SUMO3: variants seen among roughly 807,000 people sequenced by gnomAD.
SUMO3 encodes the protein small ubiquitin like modifier 3.
In SUMO3, 2 loss-of-function variants were observed where a neutral mutation model predicts 11.1. The ratio of observed to expected loss-of-function variants is 0.18; its 90% CI spans 0.07 to 0.57. The LOEUF (loss-of-function observed/expected upper bound fraction) is 0.57. Ranked by LOEUF, SUMO3 falls within the 20% of genes least tolerant of loss-of-function variation. The pLI is 0.92. For synonymous variants in SUMO3, 56 were observed against 53.5 expected, an observed-to-expected ratio of 1.05 and a Z score of -0.20; for missense variants, 70 against 132.8, an observed-to-expected ratio of 0.53 and a Z score of 2.32.
intron 1 of SUMO3, among the ~76,000 whole-genome samples, chr21:44,815,926 G>A (rs1347748888): frequency 6.6e-6 from 1 of 152,176 alleles, no homozygotes; most frequent in Non-Finnish European, 1.5e-5. Context: ...CAGCTATCCA[G>A]GGAAGTCAGA....
chr21:44,813,834 C>G, intron 2 of SUMO3, 142 bp downstream of exon 2: 1 of 1,544,412 alleles, frequency 6.5e-7, no homozygotes. Context: ...AGCACAAGCC[C>G]CCGCCTGCCC....
At chr21:44,809,220 T>C in intron 2 of SUMO3, 102 bp from the exon 3 acceptor site, 1 of 1,165,290 alleles carries the variant, frequency 8.6e-7, no homozygotes, top group Non-Finnish European at 1.3e-6. Flanking sequence ...GGAAAAGCAG[T>C]GGCCATTAAA....
chr21:44,814,139 T>G, intron 1 of SUMO3, 35 bp from the exon 2 acceptor site: 1 of 1,595,160 alleles, frequency 6.3e-7, no homozygotes, highest in Non-Finnish European at 8.6e-7. Context: ...CTCAAAACTG[T>G]GTCTCAAAAT....
At chr21:44,813,934 T>G (rs773132003) in intron 2 of SUMO3, 42 bp downstream of exon 2, 1 of 1,603,848 alleles carries the variant, frequency 6.2e-7, no homozygotes, top group Non-Finnish European at 8.5e-7. Flanking sequence ...ACAGGACCAG[T>G]GCGCACACGG....
At chr21:44,817,078 G>A (rs1182466125) in intron 1 of SUMO3, among the ~76,000 whole-genome samples, 5 of 145,368 alleles carry the variant, frequency 3.4e-5, no homozygotes, top group African/African-American at 1.3e-4. Context: ...ATAGGGAGGG[G>A]TGGGCGCACA....
Position 44,806,836 on chromosome 21 carries a change from A to G in SUMO3, c.*115T>C. 1 of 1,498,350 alleles carries G rather than the reference A, an allele frequency of 6.7e-7. No homozygotes were observed. Among genetic ancestry groups the G allele is most frequent in the Non-Finnish European group, 9.0e-7 (1 of 1,117,012 alleles). The allele number at this position is 1,498,350 out of a possible 1,614,324, so 92.8% of individuals were successfully genotyped here. The stretch of plus-strand genomic sequence containing the variant: ...CTTGAAGTACATCAAAGAGAGGAAA[A>G]TCATCGTGGTGAATGTCCTCGAGTT... On this transcript the variant is annotated 3_prime_UTR_variant, in exon 4 of 4. Transcript: ENST00000332859.
At position 44,807,933 on chromosome 21, in the gene SUMO3, T is replaced by C. The variant is rs1443263528; in HGVS notation, c.223-893A>G. On this transcript the variant is annotated intron_variant, in intron 3 of 3. Transcript: ENST00000332859. The surrounding 1 kb of genome is among the most constrained non-coding windows in gnomAD (Gnocchi z 4.3). ...CCCAGAGCTGCCACTGCCTCAGCGGTGTGTAGGTTTCCTCAAGTAGGTACA... is the reference window on the plus strand; with the variant it reads ...CCCAGAGCTGCCACTGCCTCAGCGGCGTGTAGGTTTCCTCAAGTAGGTACA... Among the ~76,000 whole-genome samples the C allele has an allele frequency of 2.0e-5, 3 of 152,222 alleles. No homozygotes were observed. Among genetic ancestry groups the C allele is most frequent in the African/African-American group, 7.2e-5 (3 of 41,462 alleles).
intron 2 of SUMO3, among the ~76,000 whole-genome samples, chr21:44,812,646 T>C (rs2083218998): frequency 1.3e-5 from 2 of 152,060 alleles, no homozygotes; most frequent in South Asian, 4.1e-4. Flanking sequence ...GAACCCAAGT[T>C]TCTAGAAGGA....
Position 44,815,928 on chromosome 21 carries a change from G to A in SUMO3, c.22-1824C>T, listed in dbSNP as rs114879969. ...CAATCCTCCACCTCAGCTATCCAGG[G>A]AAGTCAGAACCATTCTCCTGCCTGA... is the stretch of plus-strand genomic sequence containing the variant. On this transcript the variant is annotated intron_variant, in intron 1 of 3. Coordinates refer to ENST00000332859, the MANE Select transcript of SUMO3 (RefSeq NM_006936.3). Among the ~76,000 whole-genome samples the A allele has an allele frequency of 2.7e-3, 406 of 152,332 alleles. 6 individuals carry two copies. Among genetic ancestry groups the A allele is most frequent in the African/African-American group, 8.6e-3 (359 of 41,578 alleles).
intron 1 of SUMO3, among the ~76,000 whole-genome samples, chr21:44,817,552 A>G (rs1251455707): frequency 6.6e-6 from 1 of 151,880 alleles, no homozygotes; most frequent in Non-Finnish European, 1.5e-5. Context: ...GACCCCAACC[A>G]GCAATGACTC....
rs2083183764 is a variant in SUMO3, at chr21:44,807,417, C to CCA, written c.223-379_223-378dup. ...GATTAGCAGCACTGAGTCCTAGGACCCACAGGAGCCTTGCGCTTTATACCA... is the reference window on the plus strand; with the variant it reads ...GATTAGCAGCACTGAGTCCTAGGACCCACACAGGAGCCTTGCGCTTTATACCA... On this transcript the variant is annotated intron_variant, in intron 3 of 3. Coordinates refer to ENST00000332859, the MANE Select transcript of SUMO3 (RefSeq NM_006936.3). The surrounding 1 kb of genome is among the most constrained non-coding windows in gnomAD (Gnocchi z 4.3). 6.6e-6 allele frequency among the ~76,000 whole-genome samples: 1 copy of CCA among 152,096 alleles called. No homozygotes were observed. Among genetic ancestry groups the CCA allele is most frequent in the South Asian group, 2.1e-4 (1 of 4,830 alleles).
chr21:44,813,900 G>A (rs1244860627), intron 2 of SUMO3, 76 bp downstream of exon 2: 14 of 1,598,866 alleles, frequency 8.8e-6, no homozygotes, highest in African/African-American at 2.7e-5. Context: ...CGAGACGCTC[G>A]TGCTCTGGGG....
intron 2 of SUMO3, 33 bp downstream of exon 2, chr21:44,813,942 CG>C: frequency 6.2e-7 from 1 of 1,605,234 alleles, no homozygotes. Flanking sequence ...AGTGCGCACA[CG>C]GGGAGGCTCT....
intron 3 of SUMO3, 51 bp downstream of exon 3, chr21:44,808,996 C>T: frequency 6.7e-7 from 1 of 1,502,762 alleles, no homozygotes; most frequent in Non-Finnish European, 9.3e-7. Flanking sequence ...ATGGCAGTTA[C>T]CCCGCACAAA....
At chr21:44,808,420 G>C (rs770424325) in intron 3 of SUMO3, 4 of 1,145,168 alleles carry the variant, frequency 3.5e-6, no homozygotes, top group Non-Finnish European at 3.5e-6. Context: ...GGCTGAGGCA[G>C]GAGAATGGCG....
At chr21:44,816,508 T>C (rs235336) in intron 1 of SUMO3, among the ~76,000 whole-genome samples, 5,978 of 152,174 alleles carry the variant, frequency 0.039, 150 homozygotes, top group Middle Eastern at 0.051. Flanking sequence ...CCCTCATCTG[T>C]AAAGGGAGGG....
chr21:44,813,035 GGAA>G (rs1362579950), intron 2 of SUMO3, among the ~76,000 whole-genome samples: 1 of 152,240 alleles, frequency 6.6e-6, no homozygotes, highest in Non-Finnish European at 1.5e-5. Flanking sequence ...CACAAAGAAA[GGAA>G]GTCAGGGGCT....
intron 1 of SUMO3, among the ~76,000 whole-genome samples, chr21:44,816,817 A>G (rs1207793834): frequency 1.4e-5 from 2 of 142,154 alleles, no homozygotes; most frequent in African/African-American, 2.6e-5. Context: ...GTGGGCGCGC[A>G]TGGTGGGGGA....
At chr21:44,808,514 CAAA>C in intron 3 of SUMO3, 1 of 1,311,016 alleles carries the variant, frequency 7.6e-7, no homozygotes, top group Non-Finnish European at 1.0e-6. Flanking sequence ...GACTCCGTCT[CAAA>C]AAAAAAAGTC....
Sources: allele counts gnomAD v4.1 joint callset (sites outside exome capture counted in the v4.1 genomes callset), GRCh38; gene constraint gnomAD v4.1.1; non-coding constraint Gnocchi (gnomAD v3.1); transcripts MANE v1.5; gene names NCBI Gene and HGNC (gene_info 2026-07-23, HGNC 2026-07-21).